The following SEMA6D variants were observed in gnomAD, a reference collection of about 807,000 sequenced individuals.
The protein encoded by SEMA6D is semaphorin-6D.
Under a neutral mutation model 106.6 loss-of-function variants are expected in SEMA6D, and 35 were observed. The observed-to-expected ratio is 0.33, with a 90% confidence interval of 0.25 to 0.44. The LOEUF is 0.44. SEMA6D is among the 20% of genes least tolerant of loss of function. SEMA6D has a pLI of 1.00. For synonymous variants in SEMA6D, 499 were observed against 487.7 expected, an observed-to-expected ratio of 1.02 and a Z score of -0.31; for missense variants, 1,185 against 1,345.9, an observed-to-expected ratio of 0.88 and a Z score of 1.87.
intron 2 of SEMA6D, among the ~76,000 whole-genome samples, chr15:47,414,239 C>G (rs2040890679): frequency 1.3e-5 from 2 of 152,056 alleles, no homozygotes; most frequent in Admixed American, 1.3e-4. Context: ...TAACTTTGCA[C>G]TTGAGTTTCA....
intron 1 of SEMA6D, among the ~76,000 whole-genome samples, chr15:47,322,986 G>A (rs1365429051): frequency 6.6e-6 from 1 of 152,152 alleles, no homozygotes; most frequent in African/African-American, 2.4e-5. Flanking sequence ...GTCCATCTAT[G>A]TATCTACCTA....
At chr15:47,758,450 G>C (rs1048570219) in intron 1 of SEMA6D, among the ~76,000 whole-genome samples, 1 of 151,980 alleles carries the variant, frequency 6.6e-6, no homozygotes, top group East Asian at 1.9e-4. Flanking sequence ...GTTGAGGGGG[G>C]GGTGTTATTG....
intron 2 of SEMA6D, among the ~76,000 whole-genome samples, chr15:47,431,049 C>G (rs2041505632): frequency 6.6e-6 from 1 of 152,144 alleles, no homozygotes; most frequent in Admixed American, 6.6e-5. Context: ...AAATTACACT[C>G]TCTTGTTGAT....
At chr15:47,769,458 A>G (rs894910744) in intron 18 of SEMA6D, among the ~76,000 whole-genome samples, 1 of 151,930 alleles carries the variant, frequency 6.6e-6, no homozygotes, top group Admixed American at 6.6e-5. Flanking sequence ...TTTTATAATC[A>G]TTCTTCTTTC....
At chr15:47,247,114 A>G (rs1418468083) in intron 1 of SEMA6D, among the ~76,000 whole-genome samples, 1 of 152,210 alleles carries the variant, frequency 6.6e-6, no homozygotes, top group Non-Finnish European at 1.5e-5. Context: ...TACACTAGAA[A>G]TATAAGATCC....
In SEMA6D at chr15:47,703,084, G is replaced by A. The variant is rs77772698; in HGVS notation, c.-54-56661G>A. ...ATGTGAAAATGTATTTATTTATTAA[G>A]AGCAAAAATATGCTTATTTCAAATT... On this transcript the variant is annotated intron_variant, in intron 4 of 19. Transcript: ENST00000558014. Among the ~76,000 whole-genome samples the A allele has an allele frequency of 6.3e-3, 954 of 152,244 alleles. 61 individuals are homozygous for A. The South Asian group carries it at 0.1, about 16-fold the overall frequency.
chr15:47,368,407 A>T (rs2039140837), intron 1 of SEMA6D, among the ~76,000 whole-genome samples: 1 of 152,176 alleles, frequency 6.6e-6, no homozygotes, highest in Non-Finnish European at 1.5e-5. Flanking sequence ...CACACAATCC[A>T]GGCCACTCTT....
At chr15:47,420,999 A>T (rs1049681707) in intron 2 of SEMA6D, among the ~76,000 whole-genome samples, 4 of 152,152 alleles carry the variant, frequency 2.6e-5, no homozygotes, top group African/African-American at 9.6e-5. Flanking sequence ...CTTATCTTAC[A>T]ATGTAGAGAT....
At chr15:47,629,009 A>C (rs1355256285) in intron 4 of SEMA6D, among the ~76,000 whole-genome samples, 1 of 152,006 alleles carries the variant, frequency 6.6e-6, no homozygotes, top group East Asian at 1.9e-4. Context: ...TCCTCCATTG[A>C]GGGAGCACCT....
At chr15:47,442,194 A>T (rs532307090) in intron 2 of SEMA6D, among the ~76,000 whole-genome samples, 3 of 152,106 alleles carry the variant, frequency 2.0e-5, no homozygotes, top group African/African-American at 7.2e-5. Context: ...AATATTCCTT[A>T]TATGGTGCAC....
At chr15:47,539,844 G>T (rs1316515156) in intron 3 of SEMA6D, among the ~76,000 whole-genome samples, 1 of 152,074 alleles carries the variant, frequency 6.6e-6, no homozygotes, top group East Asian at 1.9e-4. Flanking sequence ...GGTGGATCTG[G>T]GCCCTTCTCT....
intron 1 of SEMA6D, among the ~76,000 whole-genome samples, chr15:47,239,728 C>T (rs1016320938): frequency 6.6e-5 from 10 of 152,080 alleles, no homozygotes; most frequent in Admixed American, 6.6e-5. Context: ...ATCAGTTTCA[C>T]GTATGGTAGA....
intron 3 of SEMA6D, among the ~76,000 whole-genome samples, chr15:47,488,059 C>T (rs993542496): frequency 1.3e-5 from 2 of 152,100 alleles, no homozygotes; most frequent in African/African-American, 4.8e-5. Flanking sequence ...TATACATGCA[C>T]CTGTTTCTAG....
intron 4 of SEMA6D, among the ~76,000 whole-genome samples, chr15:47,636,252 G>C (rs2077386856): frequency 6.6e-6 from 1 of 152,252 alleles, no homozygotes; most frequent in African/African-American, 2.4e-5. Context: ...AAATTTAAAA[G>C]TACGCAAATA....
At chr15:47,442,327 A>G (rs1181278969) in intron 2 of SEMA6D, among the ~76,000 whole-genome samples, 2 of 152,082 alleles carry the variant, frequency 1.3e-5, no homozygotes, top group African/African-American at 2.4e-5. Flanking sequence ...ACCCTTGAGA[A>G]AGATACCTTC....
intron 3 of SEMA6D, among the ~76,000 whole-genome samples, chr15:47,589,938 T>A (rs1050551349): frequency 4.1e-4 from 63 of 152,354 alleles, no homozygotes; most frequent in African/African-American, 1.4e-3. Context: ...GTTTTTGGGT[T>A]GATTGGGTTC....
intron 1 of SEMA6D, among the ~76,000 whole-genome samples, chr15:47,350,595 G>A (rs1455645482): frequency 2.6e-5 from 4 of 152,068 alleles, no homozygotes; most frequent in Admixed American, 1.3e-4. Flanking sequence ...GTTTTCGTGC[G>A]GAGGAGACAA....
At chr15:47,612,712 C>G (rs1487401828) in intron 4 of SEMA6D, among the ~76,000 whole-genome samples, 1 of 151,922 alleles carries the variant, frequency 6.6e-6, no homozygotes, top group Non-Finnish European at 1.5e-5. Context: ...CTTTAGCACT[C>G]AGACTTTTAT....
At chr15:47,211,030 A>G (rs2029953931) in intron 1 of SEMA6D, among the ~76,000 whole-genome samples, 1 of 152,128 alleles carries the variant, frequency 6.6e-6, no homozygotes, top group Non-Finnish European at 1.5e-5. Flanking sequence ...AATTGTACAT[A>G]AGTACAAAAT....
Sources: gnomAD v4.1 joint callset for allele counts (sites outside exome capture counted in the v4.1 genomes callset) on GRCh38, gnomAD v4.1.1 for gene constraint, MANE v1.5 for transcripts, NCBI Gene and HGNC (gene_info 2026-07-23, HGNC 2026-07-21) for gene names.